CHAT: variants seen among roughly 807,000 people sequenced by gnomAD.
The protein encoded by CHAT is choline O-acetyltransferase.
Under a neutral mutation model 76.9 loss-of-function variants are expected in CHAT, and 61 were observed. That is an observed-to-expected ratio of 0.79 (90% CI 0.65 to 0.98). CHAT has a LOEUF of 0.98. Among genes scored for constraint, CHAT ranks in the 50% least tolerant of loss-of-function variants. CHAT has a pLI of 0.00. For missense variants in CHAT, 946 were observed against 986.9 expected (o/e 0.96, Z 0.56); for synonymous variants, 407 against 397.4 (o/e 1.02, Z -0.29).
intron 10 of CHAT, 144 bp from the exon 11 acceptor site, chr10:49,651,740 C>T: frequency 1.3e-6 from 1 of 757,438 alleles, no homozygotes; most frequent in South Asian, 1.7e-5. Flanking sequence ...TCTGACACCT[C>T]AGTGCACTCC....
At chr10:49,661,150 T>C (rs1423057849) in intron 13 of CHAT, 1 of 152,182 alleles carries the variant, frequency 6.6e-6, no homozygotes, top group African/African-American at 2.4e-5. Context: ...TCAATTAAGA[T>C]TCCCTAAATG....
chr10:49,629,653 T>C (rs1242196998), intron 7 of CHAT, among the ~76,000 whole-genome samples: 2 of 152,224 alleles, frequency 1.3e-5, no homozygotes, highest in Non-Finnish European at 2.9e-5. Context: ...TCAGAATTGA[T>C]TTGTTAATGG....
chr10:49,661,712 G>C (rs1242655970), intron 13 of CHAT, among the ~76,000 whole-genome samples: 1 of 152,118 alleles, frequency 6.6e-6, no homozygotes, highest in South Asian at 2.1e-4. Context: ...TATGGGTCAG[G>C]GTGGCCCCCT....
At chr10:49,612,267 C>T, upstream of CHAT, 2 of 1,610,554 alleles carry the variant, frequency 1.2e-6, no homozygotes, top group Non-Finnish European at 8.5e-7. Context: ...GCCAGGACGG[C>T]GAGCCTCGCA....
Position 49,646,688 on chromosome 10 carries a change from G to T in CHAT, c.1281+14G>T, listed in dbSNP as rs1313744497. 1.2e-6 allele frequency: 2 copies of T among 1,612,608 alleles called. No individual in the cohort carries two copies. Among genetic ancestry groups the T allele is most frequent in the Non-Finnish European group, 1.7e-6 (2 of 1,179,856 alleles). Reference sequence around the variant, plus strand: ...AAGTCCCTGCAGGTAAGCCGTCCAGGTGGCCCTGCAAGAGCACAGCCATGC... The same window carrying T: ...AAGTCCCTGCAGGTAAGCCGTCCAGTTGGCCCTGCAAGAGCACAGCCATGC... On this transcript the variant is annotated intron_variant, in intron 8 of 14. Transcript: ENST00000337653.
chr10:49,662,548 C>A, intron 13 of CHAT, 97 bp from the exon 14 acceptor site: 2 of 1,508,094 alleles, frequency 1.3e-6, no homozygotes, highest in Non-Finnish European at 1.8e-6. Flanking sequence ...GCCGTGGCTG[C>A]TGGAGTCACC....
intron 7 of CHAT, among the ~76,000 whole-genome samples, chr10:49,629,426 G>A (rs1011747154): frequency 2.2e-4 from 33 of 152,202 alleles, no homozygotes; most frequent in African/African-American, 7.7e-4. Context: ...ACCTCGTGCT[G>A]GAGAATTAAT....
chr10:49,612,266 G>C (rs1838321419), upstream of CHAT: 1 of 1,610,716 alleles, frequency 6.2e-7, no homozygotes, highest in Non-Finnish European at 8.5e-7. Context: ...GGCCAGGACG[G>C]CGAGCCTCGC....
upstream of CHAT, among the ~76,000 whole-genome samples, chr10:49,613,511 G>A (rs1400410802): frequency 6.6e-6 from 1 of 152,232 alleles, no homozygotes; most frequent in African/African-American, 2.4e-5. Context: ...CCATCATAGC[G>A]TGAAGAGGCG....
chr10:49,662,200 C>T (rs999269718), intron 13 of CHAT, among the ~76,000 whole-genome samples: 14 of 152,316 alleles, frequency 9.2e-5, no homozygotes, highest in African/African-American at 2.4e-4. Flanking sequence ...CAGCCTGGGA[C>T]GCCCTTCACA....
At chr10:49,632,618 G>T (rs1839162741) in intron 7 of CHAT, among the ~76,000 whole-genome samples, 1 of 152,168 alleles carries the variant, frequency 6.6e-6, no homozygotes, top group South Asian at 2.1e-4. Flanking sequence ...CAAGGAGACT[G>T]CGCTCAGATG....
At chr10:49,639,461 A>T in intron 7 of CHAT, among the ~76,000 whole-genome samples, 1 of 42,428 alleles carries the variant, frequency 2.4e-5, no homozygotes, top group East Asian at 7.5e-4. Context: ...TCTGGTCTTC[A>T]TGGTTTCTGA....
intron 7 of CHAT, among the ~76,000 whole-genome samples, chr10:49,639,540 TACACACAC>T (rs3050615): frequency 0.29 from 42,076 of 147,456 alleles, 6,868 homozygotes; most frequent in Non-Finnish European, 0.35. Context: ...AGTATATATA[TACACACAC>T]ACACACACAC....
chr10:49,635,358 C>T (rs1839261394), intron 7 of CHAT, among the ~76,000 whole-genome samples: 1 of 152,068 alleles, frequency 6.6e-6, no homozygotes, highest in South Asian at 2.1e-4. Context: ...CGGGTTGTTT[C>T]CAGTTTTGAG....
At position 49,655,336 on chromosome 10, in the gene CHAT, G is replaced by A. The variant is rs751102664; in HGVS notation, c.1777-50G>A. On this transcript the variant is annotated intron_variant, in intron 12 of 14. Coordinates refer to ENST00000337653, the MANE Select transcript of CHAT (RefSeq NM_020549.5). ...GGCCCTCTGACCACCAGATGCTTTG[G>A]CTCCAAGCAGCCTTTTAAACCCCGC... 2.5e-6 allele frequency: 4 copies of A among 1,612,484 alleles called. No individual in the cohort carries two copies. The Admixed American group carries it at 6.7e-5, about 27-fold the overall frequency.
chr10:49,666,582 G>A lies in CHAT; in HGVS notation c.*1536G>A, dbSNP rs897736706. Among the ~76,000 whole-genome samples the A allele has an allele frequency of 1.3e-5, 2 of 152,106 alleles. No individual in the cohort carries two copies. Among genetic ancestry groups the A allele is most frequent in the South Asian group, 2.1e-4 (1 of 4,814 alleles). ...CCACTGTGAAGGCTCTCCACACTTC[G>A]ACCTGGACTGTCACAGGCTGGCAGA... On this transcript the variant is annotated 3_prime_UTR_variant, in exon 15 of 15. Transcript: ENST00000337653.
At chr10:49,656,283 GTTTTTTTTTTTTTTTT>G (rs566849400) in intron 13 of CHAT, among the ~76,000 whole-genome samples, 1 of 121,258 alleles carries the variant, frequency 8.2e-6, no homozygotes, top group African/African-American at 3.2e-5. Flanking sequence ...TATTCAGTGG[GTTTTTTTTTTTTTTTT>G]TTTTTTTTTT....
At chr10:49,643,706 A>G (rs2132789286) in intron 7 of CHAT, among the ~76,000 whole-genome samples, 1 of 152,326 alleles carries the variant, frequency 6.6e-6, no homozygotes, top group South Asian at 2.1e-4. Flanking sequence ...CTTCATAAGG[A>G]CATGGCCTTT....
upstream of CHAT, among the ~76,000 whole-genome samples, chr10:49,610,076 C>T (rs1254078850): frequency 6.6e-6 from 1 of 151,898 alleles, no homozygotes; most frequent in Non-Finnish European, 1.5e-5. Context: ...GCGGAACGCC[C>T]ATCCCAGGGG....
Sources: gnomAD v4.1 joint callset for allele counts (sites outside exome capture counted in the v4.1 genomes callset) on GRCh38, gnomAD v4.1.1 for gene constraint, MANE v1.5 for transcripts, NCBI Gene and HGNC (gene_info 2026-07-23, HGNC 2026-07-21) for gene names.